Variants in PLIN2 observed in about 807,000 individuals in gnomAD.
PLIN2 encodes perilipin 2.
PLIN2 carries 33 observed loss-of-function variants against 30.6 expected under a neutral mutation model. The observed-to-expected ratio is 1.08, with a 90% CI of 0.82 to 1.44. The LOEUF (loss-of-function observed/expected upper bound fraction) is 1.44, where lower values mean the gene tolerates loss of function less well. Ranked by LOEUF, PLIN2 falls within the 40% of genes most tolerant of loss-of-function variation. PLIN2 has a pLI of 0.00. For synonymous variants in PLIN2, 205 were observed against 201.1 expected (o/e 1.02, Z -0.16); for missense variants, 610 against 531.8 (o/e 1.15, Z -1.45).
chr9:19,112,657 A>T (rs1456336366), downstream of PLIN2, among the ~76,000 whole-genome samples: 1 of 150,864 alleles, frequency 6.6e-6, no homozygotes, highest in Non-Finnish European at 1.5e-5. Context: ...GCAGTGAGCC[A>T]ATCACACCAC....
chr9:19,109,533 T>A, intron 2 of PLIN2, among the ~76,000 whole-genome samples: 1 of 108,240 alleles, frequency 9.2e-6, no homozygotes, highest in African/African-American at 3.5e-5. Context: ...AGAGCGAGAC[T>A]CTGTCTGAAA....
In PLIN2 at chr9:19,121,099, C is replaced by A. The variant is rs868181829; in HGVS notation, c.376G>T (p.Ala126Ser). Reference sequence around the variant, plus strand: ...ATCGTGCTGGCCACAGAATCCTTGGCCCCAGTCACAGTAGTCGTCACAGCA... The same window carrying A: ...ATCGTGCTGGCCACAGAATCCTTGGACCCAGTCACAGTAGTCGTCACAGCA... ...KDAVTTTVTG[A>S]KDSVASTITG... The change falls in exon 5 of 8, where the codon GCC becomes TCC. Residue 126 changes from alanine (A) to serine (S), a missense_variant. By Grantham distance (99) the Ala-to-Ser change is moderately conservative. Coordinates refer to ENST00000276914, the MANE Select transcript of PLIN2 (RefSeq NM_001122.4). 3 of 1,614,150 alleles carry A rather than the reference C, an allele frequency of 1.9e-6. No individual in the cohort carries two copies. Among genetic ancestry groups the A allele is most frequent in the East Asian group, 4.5e-5 (2 of 44,884 alleles).
At chr9:19,120,763 T>C (rs1818301290) in intron 5 of PLIN2, 117 bp downstream of exon 5, 2 of 770,780 alleles carry the variant, frequency 2.6e-6, no homozygotes, top group East Asian at 2.6e-5. Flanking sequence ...TGAAACTGGA[T>C]TGCAGTGATG....
chr9:19,114,655 C>A (rs11790477), downstream of PLIN2, among the ~76,000 whole-genome samples: 2 of 152,122 alleles, frequency 1.3e-5, no homozygotes. Flanking sequence ...CTGCCTGCCT[C>A]GGCCTCCCAA....
intron 3 of PLIN2, among the ~76,000 whole-genome samples, chr9:19,123,859 A>C (rs1818357565): frequency 2.0e-5 from 3 of 152,064 alleles, no homozygotes; most frequent in Non-Finnish European, 4.4e-5. Context: ...TCTCTACTAA[A>C]AATACAAAAA....
In PLIN2 at chr9:19,121,089, G is replaced by A; in HGVS notation, c.386C>T (p.Ser129Phe). The A allele has an allele frequency of 6.2e-7, 1 of 1,614,180 alleles. No homozygotes were observed. Among genetic ancestry groups the A allele is most frequent in the South Asian group, 1.1e-5 (1 of 91,086 alleles). ...VTTTVTGAKD[S>F]VASTITGVMD... is the part of the protein sequence containing the mutation. The stretch of plus-strand genomic sequence containing the variant: ...CACCCCTGTGATCGTGCTGGCCACA[G>A]AATCCTTGGCCCCAGTCACAGTAGT... The change falls in exon 5 of 8, where the codon TCT becomes TTT. Residue 129 changes from serine to phenylalanine, a missense_variant. Physicochemically the swap from Ser to Phe is radical, Grantham distance 155. Transcript: ENST00000276914.
At chr9:19,118,479 AG>A (rs775207008) in intron 6 of PLIN2, 24 bp from the exon 7 acceptor site, 7 of 1,605,048 alleles carry the variant, frequency 4.4e-6, no homozygotes, top group Non-Finnish European at 5.9e-6. Context: ...AACAAGACAA[AG>A]GAACACACAA....
downstream of PLIN2, among the ~76,000 whole-genome samples, chr9:19,112,678 C>G (rs988079780): frequency 6.8e-6 from 1 of 147,820 alleles, no homozygotes; most frequent in Non-Finnish European, 1.5e-5. Flanking sequence ...TGCACTATTG[C>G]CTGAGCAACA....
intron 3 of PLIN2, among the ~76,000 whole-genome samples, chr9:19,124,968 A>G (rs1341273506): frequency 1.3e-5 from 2 of 152,220 alleles, no homozygotes; most frequent in Non-Finnish European, 1.5e-5. Context: ...AAAGAAGCCA[A>G]TCACAAAAAA....
intron 7 of PLIN2, among the ~76,000 whole-genome samples, chr9:19,117,249 C>T (rs1427879810): frequency 6.6e-6 from 1 of 152,010 alleles, no homozygotes; most frequent in Non-Finnish European, 1.5e-5. Flanking sequence ...CGGACCCGAC[C>T]TCTCGGGCTT....
At chr9:19,121,236 T>A in intron 4 of PLIN2, 71 bp from the exon 5 acceptor site, 3 of 1,363,400 alleles carry the variant, frequency 2.2e-6, no homozygotes, top group Non-Finnish European at 3.1e-6. Flanking sequence ...AGGTCTTAAC[T>A]AAGGCAGCAC....
At chr9:19,123,684 A>G (rs1818353978) in intron 3 of PLIN2, 37 bp from the exon 4 acceptor site, 1 of 1,547,178 alleles carries the variant, frequency 6.5e-7, no homozygotes, top group Non-Finnish European at 8.9e-7. Flanking sequence ...ATGTAGTACT[A>G]TAGGTATAGA....
chr9:19,112,180 A>G (rs529348530), downstream of PLIN2, among the ~76,000 whole-genome samples: 1 of 152,340 alleles, frequency 6.6e-6, no homozygotes, highest in African/African-American at 2.4e-5. Context: ...ATTTTTGCAT[A>G]GGACAAACTA....
intron 6 of PLIN2, among the ~76,000 whole-genome samples, 190 bp from the exon 7 acceptor site, chr9:19,118,645 C>T (rs1818267688): frequency 6.6e-6 from 1 of 152,148 alleles, no homozygotes; most frequent in African/African-American, 2.4e-5. Flanking sequence ...TAGCTCTTTA[C>T]TGCCTCTATT....
chr9:19,110,701 C>T (rs1326268478), intron 2 of PLIN2, among the ~76,000 whole-genome samples: 1 of 152,124 alleles, frequency 6.6e-6, no homozygotes, highest in African/African-American at 2.4e-5. Flanking sequence ...GTCTTGAACT[C>T]CTGACCTCAG....
At chr9:19,123,722 A>T in intron 3 of PLIN2, 75 bp from the exon 4 acceptor site, 2 of 1,323,160 alleles carry the variant, frequency 1.5e-6, no homozygotes, top group Non-Finnish European at 1.0e-6. Context: ...TAGGCCTTAT[A>T]AAAAATGGCA....
chr9:19,116,268 ATC>A lies in PLIN2; in HGVS notation c.1292_1293del (p.Arg431LeufsTer2). The A allele has an allele frequency of 1.9e-6, 3 of 1,600,566 alleles. No individual in the cohort carries two copies. Among genetic ancestry groups the A allele is most frequent in the Non-Finnish European group, 2.6e-6 (3 of 1,172,546 alleles). On this transcript the variant is annotated frameshift_variant, in exon 8 of 8. Coordinates refer to ENST00000276914, the MANE Select transcript of PLIN2 (RefSeq NM_001122.4). LOFTEE classifies it high-confidence loss of function. ...CAGGTTTAATGAGTTTTATGCTCAG[ATC>A]GCTGGGTCTCCTGGCTGCTCTTGTC... is the stretch of plus-strand genomic sequence containing the variant. Reference protein sequence around the residue: ...EMDKSSQETQRSEHKTH With the variant: ...EMDKSSQETQXSEHKTH
At position 19,121,116 on chromosome 9, in the gene PLIN2, G is replaced by A. The variant is rs1401915357; in HGVS notation, c.359C>T (p.Thr120Met). The change falls in exon 5 of 8, where the codon ACG (threonine) becomes ATG (methionine). Residue 120 changes from threonine to methionine, a missense_variant. Thr to Met is a moderately conservative substitution (Grantham distance 81, BLOSUM62 -1). Coordinates refer to ENST00000276914, the MANE Select transcript of PLIN2 (RefSeq NM_001122.4). ...ATCCTTGGCCCCAGTCACAGTAGTC[G>A]TCACAGCATCTTTTGCCCCAGTCAC... ...GAVTGAKDAV[T>M]TTVTGAKDSV... is the part of the protein sequence containing the mutation. The A allele has an allele frequency of 8.1e-6, 13 of 1,614,002 alleles. 1 individual carries two copies. Among genetic ancestry groups the A allele is most frequent in the Admixed American group, 3.3e-5 (2 of 59,988 alleles).
chr9:19,127,280 C>G lies in PLIN2; in HGVS notation c.-23+139G>C, dbSNP rs536776951. ...GCGAGCGGGGGGTCTCGGACCATCA[C>G]CCCCGCGTCCCGTCCACCTTTGAGC... is the stretch of plus-strand genomic sequence containing the variant. On this transcript the variant is annotated intron_variant, in intron 1 of 7. Coordinates refer to ENST00000276914, the MANE Select transcript of PLIN2 (RefSeq NM_001122.4). The surrounding 1 kb of genome is among the most constrained non-coding windows in gnomAD (Gnocchi z 4.3). 6.6e-6 allele frequency: 1 copy of G among 152,158 alleles called. No homozygotes were observed. The highest frequency in any genetic ancestry group is 1.5e-5 in the Non-Finnish European group (1 of 68,072). The allele number at this position is 152,158 out of a possible 1,614,324, so 9.4% of individuals were successfully genotyped here.
Sources: allele counts gnomAD v4.1 joint callset (sites outside exome capture counted in the v4.1 genomes callset), GRCh38; gene constraint gnomAD v4.1.1; non-coding constraint Gnocchi (gnomAD v3.1); transcripts MANE v1.5; gene names NCBI Gene and HGNC (gene_info 2026-07-23, HGNC 2026-07-21).